The following CASK variants were observed in gnomAD, a reference collection of about 807,000 sequenced individuals.
CASK encodes the protein peripheral plasma membrane protein CASK.
CASK carries 4 observed loss-of-function variants against 82.9 expected under a neutral mutation model. The ratio of observed to expected loss-of-function variants is 0.05; its 90% CI spans 0.02 to 0.11. The LOEUF is 0.11. Among genes scored for constraint, CASK ranks in the 10% least tolerant of loss-of-function variants. CASK has a pLI of 1.00. For synonymous variants in CASK, 259 were observed against 253.5 expected, an observed-to-expected ratio of 1.02 and a Z score of -0.20; for missense variants, 358 against 720.9, an observed-to-expected ratio of 0.50 and a Z score of 5.76.
intron 2 of CASK, among the ~76,000 whole-genome samples, chrX:41,810,366 T>G (rs1206088756): frequency 3.6e-5 from 4 of 112,275 alleles, no homozygotes; most frequent in Non-Finnish European, 7.5e-5. Flanking sequence ...GGGAAGCCCA[T>G]CAGACTAGCA....
chrX:41,868,535 G>T (rs1416935412), intron 1 of CASK, among the ~76,000 whole-genome samples: 1 of 111,788 alleles, frequency 8.9e-6, no homozygotes, highest in Non-Finnish European at 1.9e-5. Context: ...CCCCTTGAGA[G>T]AATGCACTTT....
At chrX:41,671,667 C>A in intron 5 of CASK, 137 bp from the exon 6 acceptor site, 1 of 497,307 alleles carries the variant, frequency 2.0e-6, no homozygotes, top group Non-Finnish European at 3.6e-6. Context: ...CTAAATTATT[C>A]TGGATGCTTG....
In CASK at chrX:41,888,689, A is replaced by ATG. The variant is rs1190811748; in HGVS notation, c.59+34239_59+34240dup. ...TATATATGTATATGTATGTGAATAT[A>ATG]TGTATATATATACGTATATATGTAT... On this transcript the variant is annotated intron_variant, in intron 1 of 26. Coordinates refer to ENST00000378163, the MANE Select transcript of CASK (RefSeq NM_001367721.1). 1.4e-3 allele frequency among the ~76,000 whole-genome samples: 129 copies of ATG among 95,220 alleles called. 2 individuals carry two copies. The highest frequency in any genetic ancestry group is 4.5e-3 in the African/African-American group (125 of 27,617). The allele number at this position is 95,220 out of a possible 115,157, so 82.7% of individuals were successfully genotyped here.
intron 5 of CASK, among the ~76,000 whole-genome samples, chrX:41,719,617 C>T (rs1006602569): frequency 8.9e-6 from 1 of 111,841 alleles, no homozygotes; most frequent in African/African-American, 3.3e-5. Context: ...GCAGTTTTGC[C>T]ACAAGAGTAC....
At chrX:41,829,526 C>G (rs1332877529) in intron 2 of CASK, among the ~76,000 whole-genome samples, 1 of 97,547 alleles carries the variant, frequency 1.0e-5, no homozygotes, top group East Asian at 3.4e-4. Context: ...TGTCATTCCG[C>G]CACTGTTGGA....
intron 22 of CASK, 89 bp downstream of exon 22, chrX:41,542,602 G>T: frequency 1.7e-6 from 1 of 601,382 alleles, no homozygotes; most frequent in Non-Finnish European, 2.8e-6. Context: ...TTTGGATAGA[G>T]AACACTGAAG....
At chrX:41,566,357 T>C (rs1167156608) in intron 16 of CASK, among the ~76,000 whole-genome samples, 2 of 111,809 alleles carry the variant, frequency 1.8e-5, no homozygotes, top group African/African-American at 6.5e-5. Flanking sequence ...GCCCAAAATC[T>C]CCTTAAGCTG....
At chrX:41,842,146 G>A (rs1263748527) in intron 2 of CASK, among the ~76,000 whole-genome samples, 1 of 111,754 alleles carries the variant, frequency 8.9e-6, no homozygotes, top group Non-Finnish European at 1.9e-5. Context: ...CCATTGAACT[G>A]TCTTGGCACC....
chrX:41,647,814 C>T (rs1278119068), intron 8 of CASK, among the ~76,000 whole-genome samples: 1 of 112,088 alleles, frequency 8.9e-6, no homozygotes, highest in Non-Finnish European at 1.9e-5. Context: ...ATCACTTCCC[C>T]AATCAATACC....
At chrX:41,795,095 GTTTT>G (rs1235630197) in intron 2 of CASK, among the ~76,000 whole-genome samples, 3 of 110,636 alleles carry the variant, frequency 2.7e-5, no homozygotes, top group Non-Finnish European at 5.7e-5. Context: ...ATTATCTGAG[GTTTT>G]TTTTTCTTTT....
At chrX:41,779,186 C>T (rs1337950037) in intron 3 of CASK, among the ~76,000 whole-genome samples, 1 of 111,922 alleles carries the variant, frequency 8.9e-6, no homozygotes, top group Non-Finnish European at 1.9e-5. Context: ...GGCTGAACAC[C>T]TGCTTTCTTT....
intron 5 of CASK, among the ~76,000 whole-genome samples, chrX:41,705,767 G>T (rs1257050845): frequency 9.0e-6 from 1 of 111,548 alleles, no homozygotes; most frequent in African/African-American, 3.3e-5. Flanking sequence ...TAAACCAAAA[G>T]TTCTTAATGC....
chrX:41,743,301 T>C (rs964088692), intron 4 of CASK, among the ~76,000 whole-genome samples: 2 of 111,636 alleles, frequency 1.8e-5, no homozygotes, highest in African/African-American at 6.5e-5. Context: ...TATTGACTAT[T>C]TTTGGTATGA....
chrX:41,802,673 C>T (rs1303782513), intron 2 of CASK, among the ~76,000 whole-genome samples: 2 of 111,534 alleles, frequency 1.8e-5, no homozygotes, highest in Non-Finnish European at 3.8e-5. Flanking sequence ...CGGCCAGGCA[C>T]TGCCCTAAGT....
chrX:41,732,792 A>G (rs2068421386), intron 5 of CASK, among the ~76,000 whole-genome samples: 1 of 107,755 alleles, frequency 9.3e-6, no homozygotes, highest in Non-Finnish European at 1.9e-5. Flanking sequence ...GTGCAGTGAT[A>G]CAATCACAGC....
intron 2 of CASK, among the ~76,000 whole-genome samples, chrX:41,816,332 T>C (rs923420644): frequency 2.7e-5 from 3 of 111,387 alleles, no homozygotes; most frequent in Admixed American, 1.9e-4. Flanking sequence ...GATAAAAGTA[T>C]ATGAACAGAC....
chrX:41,616,606 C>T (rs1223981681), intron 11 of CASK, among the ~76,000 whole-genome samples: 1 of 99,204 alleles, frequency 1.0e-5, no homozygotes. Context: ...TAACCAAAAT[C>T]TTTTTTTTTT....
At chrX:41,609,100 T>C (rs1206660174) in intron 12 of CASK, among the ~76,000 whole-genome samples, 3 of 112,420 alleles carry the variant, frequency 2.7e-5, no homozygotes, top group Non-Finnish European at 5.6e-5. Flanking sequence ...ATTTGTACTG[T>C]ACATATACTG....
chrX:41,574,608 A>G (rs1434235216), intron 15 of CASK, among the ~76,000 whole-genome samples: 1 of 111,579 alleles, frequency 9.0e-6, no homozygotes, highest in Non-Finnish European at 1.9e-5. Context: ...TTTTTGCACT[A>G]GATCTGGTTA....
Sources: gnomAD v4.1 joint callset for allele counts (sites outside exome capture counted in the v4.1 genomes callset) on GRCh38, gnomAD v4.1.1 for gene constraint, MANE v1.5 for transcripts, NCBI Gene and HGNC (gene_info 2026-07-23, HGNC 2026-07-21) for gene names.